OSBPL8: variants seen among roughly 807,000 people sequenced by gnomAD.
OSBPL8 encodes oxysterol binding protein like 8.
A neutral mutation model predicts 125.5 loss-of-function variants in OSBPL8; 59 were observed. That is an observed-to-expected ratio of 0.47 (90% CI 0.38 to 0.58). OSBPL8 has a LOEUF of 0.58. Ranked by LOEUF, OSBPL8 falls within the 20% of genes least tolerant of loss-of-function variation. The probability of loss-of-function intolerance (pLI) is 0.00; values close to 1 mark genes in which losing one functional copy is unlikely to be tolerated. For synonymous variants in OSBPL8, 330 were observed against 338.9 expected (o/e 0.97, Z 0.29); for missense variants, 758 against 1,047.8 (o/e 0.72, Z 3.82).
chr12:76,359,329 G>A (rs1952108245), intron 21 of OSBPL8, among the ~76,000 whole-genome samples: 1 of 152,144 alleles, frequency 6.6e-6, no homozygotes. Flanking sequence ...AGTACAGAAA[G>A]TATCTTATAA....
intron 2 of OSBPL8, among the ~76,000 whole-genome samples, chr12:76,482,663 T>C (rs1372909455): frequency 6.6e-6 from 1 of 152,134 alleles, no homozygotes; most frequent in Non-Finnish European, 1.5e-5. Flanking sequence ...GAGGAACATA[T>C]TCAATTTTCT....
intron 15 of OSBPL8, among the ~76,000 whole-genome samples, chr12:76,380,528 C>CAAAAA (rs3038514): frequency 0.063 from 5,454 of 86,382 alleles, 28 homozygotes; most frequent in East Asian, 0.21. Context: ...GACACTGTCC[C>CAAAAA]AAAAAAAAAA....
intron 14 of OSBPL8, 44 bp from the exon 15 acceptor site, chr12:76,384,394 A>C: frequency 9.4e-7 from 1 of 1,062,290 alleles, no homozygotes; most frequent in Non-Finnish European, 1.3e-6. Flanking sequence ...ATATAAAAAC[A>C]TGTTTATATA....
chr12:76,410,426 CTT>C, intron 5 of OSBPL8, 136 bp downstream of exon 5: 2 of 609,386 alleles, frequency 3.3e-6, no homozygotes, highest in Non-Finnish European at 5.7e-6. Context: ...GAACTTCACT[CTT>C]TTAATACACA....
chr12:76,537,391 G>A (rs1240104273), intron 1 of OSBPL8, among the ~76,000 whole-genome samples: 1 of 152,168 alleles, frequency 6.6e-6, no homozygotes, highest in Non-Finnish European at 1.5e-5. Flanking sequence ...ATTAAAGAAT[G>A]CAGGGTTACC....
chr12:76,390,758 G>T, intron 10 of OSBPL8, 101 bp from the exon 11 acceptor site: 1 of 729,340 alleles, frequency 1.4e-6, no homozygotes, highest in Non-Finnish European at 2.3e-6. Flanking sequence ...TTTACTATGT[G>T]CCAGACAGTG....
At chr12:76,420,068 CTTTTT>C (rs1445095393) in intron 4 of OSBPL8, among the ~76,000 whole-genome samples, 1 of 152,086 alleles carries the variant, frequency 6.6e-6, no homozygotes, top group Non-Finnish European at 1.5e-5. Context: ...AAGGCGTTAT[CTTTTT>C]GATATACCTG....
intron 1 of OSBPL8, among the ~76,000 whole-genome samples, chr12:76,526,186 G>A (rs934316600): frequency 3.3e-5 from 5 of 152,042 alleles, no homozygotes; most frequent in African/African-American, 4.8e-5. Flanking sequence ...ATTACATGTC[G>A]TCTTATGACA....
At chr12:76,509,830 GA>G (rs1401680847) in intron 1 of OSBPL8, among the ~76,000 whole-genome samples, 1 of 152,002 alleles carries the variant, frequency 6.6e-6, no homozygotes, top group Non-Finnish European at 1.5e-5. Flanking sequence ...GAAACAAACT[GA>G]ACTAATAATA....
chr12:76,518,480 G>T (rs773369792), intron 1 of OSBPL8, among the ~76,000 whole-genome samples: 5 of 152,206 alleles, frequency 3.3e-5, no homozygotes, highest in Non-Finnish European at 7.3e-5. Flanking sequence ...TCTGGGGTCT[G>T]GAGGGTGGTG....
intron 1 of OSBPL8, among the ~76,000 whole-genome samples, chr12:76,513,905 T>A (rs1265228210): frequency 6.6e-6 from 1 of 152,116 alleles, no homozygotes; most frequent in Non-Finnish European, 1.5e-5. Flanking sequence ...CTGTGCCTTT[T>A]AAGTGGGGCA....
chr12:76,366,524 C>G (rs1952422024), intron 21 of OSBPL8: 3 of 382,682 alleles, frequency 7.8e-6, no homozygotes, highest in Non-Finnish European at 1.5e-5. Flanking sequence ...TATTTTTTTC[C>G]TACTCTCTAT....
intron 1 of OSBPL8, among the ~76,000 whole-genome samples, chr12:76,551,755 C>T (rs997758548): frequency 4.6e-5 from 7 of 152,256 alleles, no homozygotes; most frequent in African/African-American, 1.7e-4. Flanking sequence ...CTTGGCCCCA[C>T]CCACCTCAGC....
intron 15 of OSBPL8, among the ~76,000 whole-genome samples, chr12:76,380,173 C>T (rs1952983620): frequency 6.6e-6 from 1 of 152,056 alleles, no homozygotes; most frequent in South Asian, 2.1e-4. Context: ...AAAAAGCCTG[C>T]TTAGATTATG....
At chr12:76,369,587 AC>A (rs768233771) in intron 20 of OSBPL8, 49 bp downstream of exon 20, 3 of 1,529,596 alleles carry the variant, frequency 2.0e-6, no homozygotes, top group Non-Finnish European at 2.7e-6. Flanking sequence ...AATAAAGGCA[AC>A]AAACCATGCT....
chr12:76,476,790 C>T (rs776882167), intron 2 of OSBPL8, among the ~76,000 whole-genome samples: 3 of 151,998 alleles, frequency 2.0e-5, no homozygotes, highest in African/African-American at 7.2e-5. Flanking sequence ...CAAGTCTCAT[C>T]GCCAGACATA....
chr12:76,537,203 C>A lies in OSBPL8; in HGVS notation c.-68+22194G>T, dbSNP rs982859823. Among the ~76,000 whole-genome samples, 9 of 152,120 alleles carry A rather than the reference C, an allele frequency of 5.9e-5. No homozygotes were observed. In the East Asian group the frequency reaches 1.5e-3, roughly 26 times the overall value. On this transcript the variant is annotated intron_variant, in intron 1 of 23. Transcript: ENST00000261183. Reference sequence around the variant, plus strand: ...TGACTGGTATTTGGAAAATAAGATACAAGAAAATCTGCCCAAGTAACTAAT... The same window carrying A: ...TGACTGGTATTTGGAAAATAAGATAAAAGAAAATCTGCCCAAGTAACTAAT...
chr12:76,500,949 T>C (rs2137115129), intron 1 of OSBPL8, among the ~76,000 whole-genome samples: 1 of 152,352 alleles, frequency 6.6e-6, no homozygotes, highest in East Asian at 1.9e-4. Flanking sequence ...GTTACTACTG[T>C]GTACTTAACC....
intron 5 of OSBPL8, among the ~76,000 whole-genome samples, chr12:76,403,913 T>C (rs73383551): frequency 0.18 from 27,029 of 152,166 alleles, 2,556 homozygotes; most frequent in Middle Eastern, 0.24. Flanking sequence ...TTAGTAAATA[T>C]CTAACGAATT....
Sources: gnomAD v4.1 joint callset for allele counts (sites outside exome capture counted in the v4.1 genomes callset) on GRCh38, gnomAD v4.1.1 for gene constraint, MANE v1.5 for transcripts, NCBI Gene and HGNC (gene_info 2026-07-23, HGNC 2026-07-21) for gene names.